The following PRKAG2 variants were observed in gnomAD, a reference collection of about 807,000 sequenced individuals.
PRKAG2 encodes the protein protein kinase AMP-activated non-catalytic subunit gamma 2, also known as 5'-AMP-activated protein kinase subunit gamma-2.
In PRKAG2, 26 loss-of-function variants were observed where a neutral mutation model predicts 69.6. That is an observed-to-expected ratio of 0.37 (90% confidence interval 0.27 to 0.52). The LOEUF (loss-of-function observed/expected upper bound fraction) is 0.52. Among genes scored for constraint, PRKAG2 ranks in the 20% least tolerant of loss-of-function variants. The pLI is 0.90. For missense variants in PRKAG2, 557 were observed against 740.0 expected (o/e 0.75, Z 2.87); for synonymous variants, 293 against 285.0 (o/e 1.03, Z -0.28).
chr7:151,642,659 T>C (rs1284663083), intron 4 of PRKAG2, among the ~76,000 whole-genome samples: 4 of 152,258 alleles, frequency 2.6e-5, no homozygotes, highest in Admixed American at 2.0e-4. Context: ...CTCCCTAACA[T>C]TCATGATTTC....
At chr7:151,785,337 G>A (rs992296154) in intron 2 of PRKAG2, among the ~76,000 whole-genome samples, 5 of 152,362 alleles carry the variant, frequency 3.3e-5, no homozygotes, top group East Asian at 1.9e-4. Context: ...CCCAGTGCCC[G>A]CGGGGCTGGT....
In PRKAG2 at chr7:151,675,534, G is replaced by A. The variant is rs141191531; in HGVS notation, c.570C>T (p.Arg190=). 4.2e-5 allele frequency: 68 copies of A among 1,614,032 alleles called. No homozygotes were observed. The highest frequency in any genetic ancestry group is 5.5e-5 in the Non-Finnish European group (65 of 1,179,972). The change falls in exon 4 of 16, where the codon CGC becomes CGT. Residue 190 remains arginine (R), a synonymous_variant. Coordinates refer to ENST00000287878, the MANE Select transcript of PRKAG2 (RefSeq NM_016203.4). Reference sequence around the variant, plus strand: ...CCGGGGGGGAAGACGAGGCATAGATGCGATTCTCTAACCGTTCAGGCTCGT... The same window carrying A: ...CCGGGGGGGAAGACGAGGCATAGATACGATTCTCTAACCGTTCAGGCTCGT... The part of the protein sequence containing the change: ...YKHEPERLEN[R]IYASSSPPDT...
At chr7:151,726,184 G>T (rs1797915025) in intron 3 of PRKAG2, among the ~76,000 whole-genome samples, 1 of 152,114 alleles carries the variant, frequency 6.6e-6, no homozygotes, top group Non-Finnish European at 1.5e-5. Flanking sequence ...GCTGGGGACT[G>T]CCCATCAGAG....
Position 151,632,552 on chromosome 7 carries a change from G to GC in PRKAG2, c.685-415dup, listed in dbSNP as rs1224625570. ...GAGGCCCGCGGCCCGCCCCCACTCCGCCCCCCGGCGCCGCTCACCTTCCCA... is the reference window on the plus strand; with the variant it reads ...GAGGCCCGCGGCCCGCCCCCACTCCGCCCCCCCGGCGCCGCTCACCTTCCCA... On this transcript the variant is annotated intron_variant, in intron 4 of 15. Coordinates refer to ENST00000287878, the MANE Select transcript of PRKAG2 (RefSeq NM_016203.4). The surrounding 1 kb of genome is among the most constrained non-coding windows in gnomAD (Gnocchi z 4.2). 7.1e-6 allele frequency: 7 copies of GC among 982,694 alleles called. No homozygotes were observed. Among genetic ancestry groups the GC allele is most frequent in the African/African-American group, 1.8e-5 (1 of 56,884 alleles). 60.9% of individuals were successfully genotyped at this position (982,694 alleles called of 1,614,324 possible). A position where few individuals can be genotyped will look rare whatever the true frequency, so the allele number is the denominator to read the frequency against.
intron 3 of PRKAG2, among the ~76,000 whole-genome samples, chr7:151,701,375 T>C (rs1018840451): frequency 3.9e-5 from 6 of 152,178 alleles, no homozygotes; most frequent in Admixed American, 1.3e-4. Context: ...CTGGTACCTG[T>C]GCATGTGACC....
intron 6 of PRKAG2, among the ~76,000 whole-genome samples, chr7:151,578,255 G>C (rs1449555493): frequency 6.6e-6 from 1 of 152,192 alleles, no homozygotes. Flanking sequence ...TGAGGCACAA[G>C]AATCGCTTGA....
At chr7:151,662,491 C>G (rs1407482392) in intron 4 of PRKAG2, among the ~76,000 whole-genome samples, 3 of 152,216 alleles carry the variant, frequency 2.0e-5, no homozygotes, top group Admixed American at 2.0e-4. Context: ...ATCTCCACTC[C>G]TGTGGCTGTA....
At chr7:151,805,192 C>A (rs895554029) in intron 1 of PRKAG2, among the ~76,000 whole-genome samples, 2 of 152,224 alleles carry the variant, frequency 1.3e-5, no homozygotes, top group Non-Finnish European at 2.9e-5. Flanking sequence ...CGCAGTTCCT[C>A]CTGGATCTCT....
At chr7:151,653,524 G>A (rs1380830805) in intron 4 of PRKAG2, among the ~76,000 whole-genome samples, 1 of 152,132 alleles carries the variant, frequency 6.6e-6, no homozygotes, top group Admixed American at 6.5e-5. Flanking sequence ...AACAGGAATG[G>A]GTTGAAAATT....
chr7:151,607,345 G>A (rs566175020), intron 5 of PRKAG2, among the ~76,000 whole-genome samples: 5 of 152,194 alleles, frequency 3.3e-5, no homozygotes, highest in South Asian at 2.1e-4. Context: ...GCAGTGGTGC[G>A]ATCATGGCTC....
intron 3 of PRKAG2, among the ~76,000 whole-genome samples, chr7:151,716,570 T>C (rs377232261): frequency 6.6e-6 from 1 of 151,982 alleles, no homozygotes; most frequent in African/African-American, 2.4e-5. Flanking sequence ...CGCCCAGCCT[T>C]GCACTTAACA....
chr7:151,584,236 G>A (rs1585046436), intron 6 of PRKAG2, among the ~76,000 whole-genome samples: 1 of 152,102 alleles, frequency 6.6e-6, no homozygotes, highest in East Asian at 1.9e-4. Flanking sequence ...TGGAGGAAAT[G>A]CACTGCTCCA....
At position 151,556,926 on chromosome 7, in the gene PRKAG2, A is replaced by T. The variant is rs2092535610; in HGVS notation, c.*275T>A. On this transcript the variant is annotated 3_prime_UTR_variant, in exon 16 of 16. Transcript: ENST00000287878. ...ACCAGTGAATTCTTTGAAATGAAAA[A>T]TAATGAAAACTTCAGGACACAGTGC... 1 of 482,048 alleles carries T rather than the reference A, an allele frequency of 2.1e-6. No homozygotes were observed. The allele number at this position is 482,048 out of a possible 1,614,324, so 29.9% of individuals were successfully genotyped here.
intron 6 of PRKAG2, among the ~76,000 whole-genome samples, 182 bp downstream of exon 6, chr7:151,595,163 G>A (rs1040090392): frequency 6.6e-6 from 1 of 152,192 alleles, no homozygotes; most frequent in African/African-American, 2.4e-5. Flanking sequence ...GAAGAAGACA[G>A]TAATAGCACA....
intron 3 of PRKAG2, among the ~76,000 whole-genome samples, chr7:151,759,713 G>A (rs993369767): frequency 6.6e-5 from 10 of 152,174 alleles, no homozygotes; most frequent in Non-Finnish European, 1.3e-4. Flanking sequence ...CAGCATGTGA[G>A]GCTATGTCAC....
intron 6 of PRKAG2, among the ~76,000 whole-genome samples, chr7:151,586,377 A>G (rs1811679981): frequency 6.6e-6 from 1 of 152,094 alleles, no homozygotes; most frequent in African/African-American, 2.4e-5. Flanking sequence ...TCATTCATAA[A>G]TCTCAGCTGG....
intron 2 of PRKAG2, among the ~76,000 whole-genome samples, chr7:151,784,859 A>G (rs1437678010): frequency 1.3e-5 from 2 of 152,206 alleles, no homozygotes; most frequent in Non-Finnish European, 2.9e-5. Flanking sequence ...TGGCCGAAGC[A>G]TGCTGGATGC....
At chr7:151,672,192 C>T (rs1832156839) in intron 4 of PRKAG2, among the ~76,000 whole-genome samples, 1 of 151,978 alleles carries the variant, frequency 6.6e-6, no homozygotes, top group African/African-American at 2.4e-5. Context: ...AGCTCTGCCT[C>T]CTGCGTTCAA....
intron 3 of PRKAG2, among the ~76,000 whole-genome samples, chr7:151,678,673 T>C (rs1418073617): frequency 2.0e-5 from 3 of 151,820 alleles, no homozygotes; most frequent in Non-Finnish European, 4.4e-5. Context: ...TCTTGAAAAA[T>C]AGAGGCCAGG....
Sources: allele counts gnomAD v4.1 joint callset (sites outside exome capture counted in the v4.1 genomes callset), GRCh38; gene constraint gnomAD v4.1.1; non-coding constraint Gnocchi (gnomAD v3.1); transcripts MANE v1.5; gene names NCBI Gene and HGNC (gene_info 2026-07-23, HGNC 2026-07-21).